EMC3: variants seen among roughly 807,000 people sequenced by gnomAD.
EMC3 encodes 30 kDa protein.
In EMC3, 13 loss-of-function variants were observed where a neutral mutation model predicts 36.6. The ratio of observed to expected loss-of-function variants is 0.35; its 90% confidence interval spans 0.23 to 0.56. The LOEUF is 0.56. Ranked by LOEUF, EMC3 falls within the 20% of genes least tolerant of loss-of-function variation. The probability of loss-of-function intolerance (pLI) is 0.84; values close to 1 mark genes in which losing one functional copy is unlikely to be tolerated. For missense variants in EMC3, 220 were observed against 324.5 expected, an observed-to-expected ratio of 0.68 and a Z score of 2.47; for synonymous variants, 120 against 111.9, an observed-to-expected ratio of 1.07 and a Z score of -0.46.
intron 1 of EMC3, chr3:10,002,807 C>G (rs1431145844): frequency 2.2e-6 from 1 of 456,056 alleles, no homozygotes; most frequent in Non-Finnish European, 4.4e-6. Flanking sequence ...GACCCTGTGT[C>G]TTCCCCCTCC....
chr3:9,994,227 CAG>C (rs2086094931), intron 1 of EMC3: 6 of 1,575,058 alleles, frequency 3.8e-6, no homozygotes, highest in Admixed American at 1.7e-5. Context: ...GTCGCTGGCT[CAG>C]AGTTTGCTTC....
At chr3:9,965,400 G>A (rs1395466973) in intron 7 of EMC3, among the ~76,000 whole-genome samples, 1 of 147,924 alleles carries the variant, frequency 6.8e-6, no homozygotes, top group Non-Finnish European at 1.5e-5. Context: ...CAGCCTGGGT[G>A]ACACAGTGAG....
chr3:9,998,835 C>T (rs1211262005), intron 1 of EMC3, among the ~76,000 whole-genome samples: 1 of 152,290 alleles, frequency 6.6e-6, no homozygotes, highest in South Asian at 2.1e-4. Flanking sequence ...TGGCTCACTG[C>T]AACCTCCACT....
intron 7 of EMC3, among the ~76,000 whole-genome samples, chr3:9,965,299 T>C (rs1416780560): frequency 6.6e-6 from 1 of 151,754 alleles, no homozygotes; most frequent in South Asian, 2.1e-4. Context: ...AGTACTGGCT[T>C]CTCGTGTACC....
At chr3:9,974,225 C>T (rs2085820173) in intron 4 of EMC3, among the ~76,000 whole-genome samples, 159 bp downstream of exon 4, 1 of 152,170 alleles carries the variant, frequency 6.6e-6, no homozygotes, top group South Asian at 2.1e-4. Context: ...AACTTAGGAT[C>T]ATTTTTGGGC....
chr3:9,994,159 T>C, intron 1 of EMC3: 3 of 1,585,952 alleles, frequency 1.9e-6, no homozygotes, highest in Non-Finnish European at 2.6e-6. Context: ...CTACAGCTTC[T>C]TTTCTCTCTC....
At chr3:9,971,701 T>C (rs1449738855) in intron 5 of EMC3, among the ~76,000 whole-genome samples, 2 of 152,226 alleles carry the variant, frequency 1.3e-5, no homozygotes, top group Non-Finnish European at 2.9e-5. Context: ...AAAAGTAGAA[T>C]AGACTCATGC....
chr3:10,006,076 T>G (rs1289486853), intron 1 of EMC3, among the ~76,000 whole-genome samples: 2 of 152,146 alleles, frequency 1.3e-5, no homozygotes, highest in Non-Finnish European at 2.9e-5. Context: ...GCCAGGAAGT[T>G]TTAGTGAAGC....
At chr3:9,988,094 ATACT>A (rs1211425627), upstream of EMC3, 1 of 566,738 alleles carries the variant, frequency 1.8e-6, no homozygotes, top group Non-Finnish European at 3.2e-6. Context: ...TTGGAGCTTA[ATACT>A]TACAACTACA....
chr3:9,987,286 C>T, upstream of EMC3: 1 of 984,546 alleles, frequency 1.0e-6, no homozygotes, highest in Non-Finnish European at 1.2e-6. Context: ...GAGCAGTGGT[C>T]GTAGTCTCTC....
rs1448350735 is a variant in EMC3 at position 9,963,450 on chromosome 3, G to GATATATATATATATAT, written c.*618_*619insATATATATATATATAT. ...CCTTCGAAGACTGGGCTTCTGCTAA[G>GATATATATATATATAT]ATAGATATATATATATATATATATA... On this transcript the variant is annotated 3_prime_UTR_variant, in exon 8 of 8. Transcript: ENST00000245046. The GATATATATATATATAT allele has an allele frequency of 6.4e-5, 5 of 77,672 alleles. No homozygotes were observed. The highest frequency in any genetic ancestry group is 3.4e-4 in the African/African-American group (5 of 14,628). 4.8% of individuals were successfully genotyped at this position (77,672 alleles called of 1,614,324 possible).
chr3:9,965,704 T>G (rs1055371694), intron 7 of EMC3, among the ~76,000 whole-genome samples: 1 of 152,206 alleles, frequency 6.6e-6, no homozygotes, highest in African/African-American at 2.4e-5. Flanking sequence ...AACTACTACG[T>G]TATCTTCCGT....
In EMC3 at chr3:10,002,547, A is replaced by G. The variant is rs141501587; in HGVS notation, c.-242+8476T>C. On this transcript the variant is annotated intron_variant, in intron 1 of 8. Transcript: ENST00000470827. ...GCAATCCACCCGCCTCAGCCTCCCA[A>G]AGTGTTAGGATGACAGGCATGAGCC... 1.6e-3 allele frequency among the ~76,000 whole-genome samples: 244 copies of G among 152,186 alleles called. 2 individuals carry two copies. The highest frequency in any genetic ancestry group is 0.011 in the Admixed American group (169 of 15,290).
intron 1 of EMC3, among the ~76,000 whole-genome samples, chr3:9,991,962 T>C (rs2086058582): frequency 1.3e-5 from 2 of 152,166 alleles, no homozygotes; most frequent in African/African-American, 4.8e-5. Flanking sequence ...GAGAATCTAA[T>C]GCAGCCGCTA....
At chr3:9,988,406 C>T (rs17050677), upstream of EMC3, 6,859 of 1,321,536 alleles carry the variant, frequency 5.2e-3, 313 homozygotes, top group African/African-American at 0.087. Context: ...CGGTCAGAAC[C>T]GTATTATTCT....
In EMC3 at chr3:9,992,018, C is replaced by T. The variant is rs530462815; in HGVS notation, c.-241-5116G>A. On this transcript the variant is annotated intron_variant, in intron 1 of 8. Coordinates refer to the EMC3 transcript ENST00000470827. Reference sequence around the variant, plus strand: ...CAGTGGTAATGACCACTTGACCACCCCTCACCTCCTGCTGTGCAGCTTGGT... The same window carrying T: ...CAGTGGTAATGACCACTTGACCACCTCTCACCTCCTGCTGTGCAGCTTGGT... Among the ~76,000 whole-genome samples, 225 of 152,266 alleles carry T rather than the reference C, an allele frequency of 1.5e-3. 1 individual carries two copies. The highest frequency in any genetic ancestry group is 5.2e-3 in the African/African-American group (217 of 41,554).
intron 1 of EMC3, among the ~76,000 whole-genome samples, chr3:9,985,166 TC>T (rs777574842): frequency 3.3e-5 from 5 of 152,204 alleles, no homozygotes; most frequent in Non-Finnish European, 5.9e-5. Context: ...TCAACTTTTT[TC>T]CCATCTATAT....
At position 9,992,657 on chromosome 3, in the gene EMC3, G is replaced by A. The variant is rs111556579; in HGVS notation, c.-241-5755C>T. Among the ~76,000 whole-genome samples the A allele has an allele frequency of 2.0e-5, 3 of 152,078 alleles. No homozygotes were observed. The South Asian group carries it at 6.2e-4, about 32-fold the overall frequency. On this transcript the variant is annotated intron_variant, in intron 1 of 8. Coordinates refer to the EMC3 transcript ENST00000470827. The stretch of plus-strand genomic sequence containing the variant: ...AGTAGTATCACTTTAATGTATATTG[G>A]AATGTATTCCTAAGAGATACCAGTG...
At chr3:10,003,014 G>T (rs755742643) in intron 1 of EMC3, 13 of 456,082 alleles carry the variant, frequency 2.9e-5, no homozygotes, top group South Asian at 2.0e-4. Flanking sequence ...AGCAGCAGTG[G>T]TGGAGACCCA....
Sources: gnomAD v4.1 joint callset for allele counts (sites outside exome capture counted in the v4.1 genomes callset) on GRCh38, gnomAD v4.1.1 for gene constraint, MANE v1.5 for transcripts, NCBI Gene and HGNC (gene_info 2026-07-23, HGNC 2026-07-21) for gene names.